RUNX1T1: variants seen among roughly 807,000 people sequenced by gnomAD.
RUNX1T1 encodes the protein RUNX1 partner transcriptional co-repressor 1, also known as protein CBFA2T1.
In RUNX1T1, 4 loss-of-function variants were observed where a neutral mutation model predicts 62.8. The observed-to-expected ratio is 0.06, with a 90% CI of 0.03 to 0.15. The LOEUF (loss-of-function observed/expected upper bound fraction) is 0.15, where lower values mean the gene tolerates loss of function less well. RUNX1T1 is among the 10% of genes least tolerant of loss of function. The probability of loss-of-function intolerance (pLI) is 1.00; values close to 1 mark genes in which losing one functional copy is unlikely to be tolerated. For missense variants in RUNX1T1, 508 were observed against 754.3 expected (o/e 0.67, Z 3.82); for synonymous variants, 291 against 286.0 (o/e 1.02, Z -0.18).
intron 8 of RUNX1T1, chr8:91,980,065 C>T (rs1232745965): frequency 1.7e-5 from 4 of 232,974 alleles, no homozygotes; most frequent in Middle Eastern, 1.3e-3. Context: ...GAAATCTTCA[C>T]ACTAGGTTTC....
chr8:91,995,643 T>A (rs1818513266), intron 5 of RUNX1T1, among the ~76,000 whole-genome samples: 1 of 151,964 alleles, frequency 6.6e-6, no homozygotes, highest in Non-Finnish European at 1.5e-5. Flanking sequence ...AAAAGTTGGC[T>A]GGACATGGTG....
chr8:92,009,990 G>T (rs1223286041), intron 4 of RUNX1T1: 6 of 151,980 alleles, frequency 3.9e-5, no homozygotes, highest in Non-Finnish European at 7.4e-5. Flanking sequence ...TCAGAATTGG[G>T]GCTCATTTCA....
upstream of RUNX1T1, among the ~76,000 whole-genome samples, chr8:92,065,258 A>G (rs1205553064): frequency 6.6e-6 from 1 of 152,240 alleles, no homozygotes; most frequent in Non-Finnish European, 1.5e-5. Context: ...TAGACAATCA[A>G]TAACATGATG....
intron 1 of RUNX1T1, among the ~76,000 whole-genome samples, chr8:92,045,255 G>C (rs192675855): frequency 2.7e-3 from 409 of 152,056 alleles, no homozygotes; most frequent in Admixed American, 5.4e-3. Flanking sequence ...TGAGATTAAG[G>C]ATAACACCCA....
chr8:92,032,159 T>A (rs2131319230), intron 1 of RUNX1T1, among the ~76,000 whole-genome samples: 1 of 145,900 alleles, frequency 6.9e-6, no homozygotes, highest in Middle Eastern at 3.7e-3. Flanking sequence ...GTGCTGCTAG[T>A]ACATGAATAG....
Position 91,986,330 on chromosome 8 carries a change from T to G in RUNX1T1, c.997-5A>C. ...GTCCATTATGCAGTTTAACAGCTAT[T>G]TGGGAAAGGGGAGAATAGGGAAGAG... On this transcript the variant is annotated splice_region_variant and splice_polypyrimidine_tract_variant and intron_variant, in intron 7 of 10. Coordinates refer to ENST00000396218, the Ensembl canonical transcript of RUNX1T1. 1 of 1,606,448 alleles carries G rather than the reference T, an allele frequency of 6.2e-7. No homozygotes were observed. The highest frequency in any genetic ancestry group is 8.5e-7 in the Non-Finnish European group (1 of 1,173,062).
exon 1 of RUNX1T1, chr8:92,062,548 G>A: frequency 6.2e-7 from 1 of 1,613,980 alleles, no homozygotes; most frequent in Non-Finnish European, 8.5e-7. Flanking sequence ...TAACTCACCA[G>A]GCATCCTTGA....
intron 1 of RUNX1T1, among the ~76,000 whole-genome samples, chr8:92,047,717 T>G (rs1829624122): frequency 6.6e-6 from 1 of 151,762 alleles, no homozygotes; most frequent in South Asian, 2.1e-4. Flanking sequence ...ATCATCCATA[T>G]TATGTGTAAA....
At chr8:92,070,059 G>C (rs1426300147) in intron 2 of RUNX1T1, among the ~76,000 whole-genome samples, 2 of 152,090 alleles carry the variant, frequency 1.3e-5, no homozygotes, top group Non-Finnish European at 2.9e-5. Flanking sequence ...CACTTACTGA[G>C]CACCCTCAGT....
chr8:92,071,295 C>G (rs1336616701), intron 2 of RUNX1T1: 1 of 152,162 alleles, frequency 6.6e-6, no homozygotes, highest in East Asian at 1.9e-4. Flanking sequence ...TAAAAGCAAT[C>G]TCTGAGCTAC....
At chr8:92,039,144 G>GTTTTT (rs71563486) in intron 1 of RUNX1T1, among the ~76,000 whole-genome samples, 1 of 137,122 alleles carries the variant, frequency 7.3e-6, no homozygotes, top group Non-Finnish European at 1.6e-5. Flanking sequence ...TTTTGTTGTT[G>GTTTTT]TTTTTTTTTT....
At chr8:92,086,077 C>T (rs1210260342) in intron 1 of RUNX1T1, among the ~76,000 whole-genome samples, 2 of 152,108 alleles carry the variant, frequency 1.3e-5, no homozygotes, top group African/African-American at 2.4e-5. Flanking sequence ...ACAGACAGTG[C>T]TTGGGGTACT....
intron 5 of RUNX1T1, among the ~76,000 whole-genome samples, chr8:91,994,976 A>G (rs1376978785): frequency 6.6e-6 from 1 of 152,238 alleles, no homozygotes; most frequent in Non-Finnish European, 1.5e-5. Context: ...TGGCCAAACC[A>G]TAAGTATCTA....
At chr8:91,961,516 G>A (rs1810441254) in intron 10 of RUNX1T1, among the ~76,000 whole-genome samples, 1 of 152,196 alleles carries the variant, frequency 6.6e-6, no homozygotes, top group African/African-American at 2.4e-5. Flanking sequence ...AAGTGGGACT[G>A]AGGCTGCCAC....
At chr8:92,026,531 G>T (rs1825171148) in intron 1 of RUNX1T1, among the ~76,000 whole-genome samples, 1 of 152,202 alleles carries the variant, frequency 6.6e-6, no homozygotes, top group African/African-American at 2.4e-5. Context: ...CATTAAAACT[G>T]CATCTTCCGG....
chr8:91,961,273 GCCT>G (rs1363860851), intron 10 of RUNX1T1, among the ~76,000 whole-genome samples: 1 of 152,144 alleles, frequency 6.6e-6, no homozygotes, highest in Admixed American at 6.5e-5. Flanking sequence ...ATTAGACTAC[GCCT>G]TATTTGGCTT....
At chr8:91,959,457 T>A (rs79974020) in exon 11 of RUNX1T1, 27 of 141,472 alleles carry the variant, frequency 1.9e-4, no homozygotes, top group Admixed American at 2.7e-4. Flanking sequence ...TGTGTGTGTG[T>A]GTGTGTGTGT....
At chr8:91,958,694 G>A (rs1442302207), downstream of RUNX1T1, 2 of 136,574 alleles carry the variant, frequency 1.5e-5, no homozygotes, top group African/African-American at 6.3e-5. Flanking sequence ...TAAACTTGAT[G>A]AAATGGCTCT....
At chr8:92,024,942 G>A (rs1332751073) in intron 1 of RUNX1T1, among the ~76,000 whole-genome samples, 1 of 152,124 alleles carries the variant, frequency 6.6e-6, no homozygotes, top group African/African-American at 2.4e-5. Flanking sequence ...CCTGTATTGT[G>A]GGAATAAACT....
Sources: gnomAD v4.1 joint callset for allele counts (sites outside exome capture counted in the v4.1 genomes callset) on GRCh38, gnomAD v4.1.1 for gene constraint, MANE v1.5 for transcripts, NCBI Gene and HGNC (gene_info 2026-07-23, HGNC 2026-07-21) for gene names.